Variants in NBPF11 observed in about 807,000 individuals in gnomAD.
NBPF11 encodes NBPF member 11.
In NBPF11, 72 loss-of-function variants were observed where a neutral mutation model predicts 93.9. That is an observed-to-expected ratio of 0.77 (90% CI 0.63 to 0.93). The LOEUF (loss-of-function observed/expected upper bound fraction) is 0.93. Among genes scored for constraint, NBPF11 ranks in the 40% least tolerant of loss-of-function variants. NBPF11 has a pLI of 0.00. For missense variants in NBPF11, 705 were observed against 802.2 expected, an observed-to-expected ratio of 0.88 and a Z score of 1.46; for synonymous variants, 224 against 304.9, an observed-to-expected ratio of 0.73 and a Z score of 2.76.
intron 14 of NBPF11, among the ~76,000 whole-genome samples, chr1:148,115,354 G>C (rs2149208695): frequency 6.7e-6 from 1 of 150,204 alleles, no homozygotes; most frequent in East Asian, 2.0e-4. Flanking sequence ...TAAGCAAGCT[G>C]ACTTAAAGGA....
rs1662881646 is a variant in NBPF11, at chr1:148,103,908, T to A, written c.2586A>T (p.Ser862=). The change falls in exon 24 of 24, where the codon TCA becomes TCT. Residue 862 remains serine, a synonymous_variant. Coordinates refer to ENST00000682118, the MANE Select transcript of NBPF11 (RefSeq NM_001385469.3). The part of the protein sequence containing the change: ...KKIKTHHAPG[S]AAC ...ACTTCCACTTCCATCAGCACGCTGC[T>A]GAGCCTGGAAAAGGAGACAAAACTA... 29 of 1,610,952 alleles carry A rather than the reference T, an allele frequency of 1.8e-5. 1 individual carries two copies. Among genetic ancestry groups the A allele is most frequent in the Middle Eastern group, 4.5e-4 (2 of 4,432 alleles).
intron 18 of NBPF11, 118 bp downstream of exon 18, chr1:148,108,364 A>ATG (rs1251044192): frequency 1.4e-6 from 1 of 714,802 alleles, no homozygotes; most frequent in Non-Finnish European, 2.6e-6. Flanking sequence ...ACATGTGCCT[A>ATG]TAGGTCCTCC....
intron 4 of NBPF11, among the ~76,000 whole-genome samples, chr1:148,132,202 T>C (rs1391160303): frequency 7.7e-6 from 1 of 130,126 alleles, no homozygotes; most frequent in Non-Finnish European, 1.6e-5. Flanking sequence ...ACGGTGAATA[T>C]ATATATATAT....
At position 148,106,889 on chromosome 1, in the gene NBPF11, C is replaced by G. The variant is rs1284257841; in HGVS notation, c.2251+53G>C. 36 of 761,414 alleles carry G rather than the reference C, an allele frequency of 4.7e-5. 3 individuals carry two copies. Among genetic ancestry groups the G allele is most frequent in the Non-Finnish European group, 6.8e-5 (29 of 428,874 alleles). 47.2% of individuals were successfully genotyped at this position (761,414 alleles called of 1,614,324 possible). ...GGGCCACTTGGAACAGGAATATCAC[C>G]CCTATCTGGAAGGCCAGGTGGAGGC... On this transcript the variant is annotated intron_variant, in intron 20 of 23. Transcript: ENST00000682118.
intron 16 of NBPF11, 105 bp from the exon 17 acceptor site, chr1:148,109,440 G>T (rs1458569026): frequency 7.1e-6 from 6 of 842,986 alleles, no homozygotes; most frequent in Non-Finnish European, 1.2e-5. Flanking sequence ...TCTTGTCAGT[G>T]TGAAAACAGG....
chr1:148,150,153 CT>C (rs56775503), intron 1 of NBPF11, among the ~76,000 whole-genome samples: 7,746 of 134,708 alleles, frequency 0.058, 530 homozygotes, highest in African/African-American at 0.18. Context: ...ATGACCTGTA[CT>C]TTTTTTTTTT....
At chr1:148,118,348 A>C (rs1292999589) in intron 11 of NBPF11, among the ~76,000 whole-genome samples, 2 of 151,822 alleles carry the variant, frequency 1.3e-5, no homozygotes, top group African/African-American at 2.4e-5. Flanking sequence ...TGTGTGGTTC[A>C]CACTCCTTTG....
At chr1:148,141,514 G>A (rs1447497370) in intron 2 of NBPF11, among the ~76,000 whole-genome samples, 1 of 152,166 alleles carries the variant, frequency 6.6e-6, no homozygotes, top group Admixed American at 6.5e-5. Flanking sequence ...CCCATACCAA[G>A]GTTTTGGTGG....
chr1:148,119,741 A>T (rs1667397960), intron 10 of NBPF11, among the ~76,000 whole-genome samples: 1 of 151,830 alleles, frequency 6.6e-6, no homozygotes, highest in Admixed American at 6.6e-5. Context: ...CTGCAACCTC[A>T]GCCTCCTGGG....
At chr1:148,129,145 T>A (rs1669791136) in intron 4 of NBPF11, among the ~76,000 whole-genome samples, 1 of 143,246 alleles carries the variant, frequency 7.0e-6, no homozygotes, top group East Asian at 2.0e-4. Flanking sequence ...TATATACACA[T>A]GTATATATAT....
At chr1:148,148,395 C>A (rs3746057) in intron 1 of NBPF11, among the ~76,000 whole-genome samples, 22 of 152,126 alleles carry the variant, frequency 1.4e-4, no homozygotes, top group Admixed American at 3.3e-4. Context: ...GTGGGTCCCG[C>A]GTGCTTGGGA....
At chr1:148,149,519 C>T (rs1166189176) in intron 1 of NBPF11, 5 of 1,593,408 alleles carry the variant, frequency 3.1e-6, no homozygotes, top group Admixed American at 3.3e-5. Context: ...GTACCTGGAG[C>T]GCCTGCGTCG....
intron 2 of NBPF11, among the ~76,000 whole-genome samples, chr1:148,141,049 C>G (rs1327811400): frequency 6.6e-6 from 1 of 151,952 alleles, no homozygotes; most frequent in African/African-American, 2.4e-5. Flanking sequence ...AGAAGCCAGT[C>G]TGGAAACCTA....
At position 148,104,775 on chromosome 1, in the gene NBPF11, T is replaced by A; in HGVS notation, c.2473-130A>T. The stretch of plus-strand genomic sequence containing the variant: ...AGAATAGGACACTGTGAGAGATATA[T>A]TTCAGGAGGCCTGAAGGCTGGTCGT... On this transcript the variant is annotated intron_variant, in intron 22 of 23. Coordinates refer to ENST00000682118, the MANE Select transcript of NBPF11 (RefSeq NM_001385469.3). The A allele has an allele frequency of 7.8e-6, 4 of 511,618 alleles. No individual in the cohort carries two copies. The South Asian group carries it at 8.5e-5, about 11-fold the overall frequency. The allele number at this position is 511,618 out of a possible 1,614,324, so 31.7% of individuals were successfully genotyped here.
At chr1:148,115,436 G>T (rs1475627648) in intron 14 of NBPF11, among the ~76,000 whole-genome samples, 3 of 148,758 alleles carry the variant, frequency 2.0e-5, no homozygotes, top group Non-Finnish European at 4.4e-5. Context: ...AGGCTGCCAG[G>T]TTCCTTAAAC....
chr1:148,106,659 T>C (rs1663701563), intron 20 of NBPF11, among the ~76,000 whole-genome samples: 2 of 146,206 alleles, frequency 1.4e-5, no homozygotes, highest in Non-Finnish European at 3.0e-5. Context: ...GTCCAAATCA[T>C]AGTTCTGTGA....
At chr1:148,111,145 C>A (rs1398418776) in intron 15 of NBPF11, among the ~76,000 whole-genome samples, 5 of 151,236 alleles carry the variant, frequency 3.3e-5, no homozygotes, top group African/African-American at 1.2e-4. Context: ...CTCCAACAGA[C>A]CTGAAGCTGA....
At chr1:148,106,043 A>G in intron 21 of NBPF11, 138 bp downstream of exon 21, 1 of 542,170 alleles carries the variant, frequency 1.8e-6, no homozygotes, top group South Asian at 2.0e-5. Flanking sequence ...TGCAATGAAA[A>G]CCAACAGCAA....
chr1:148,146,801 C>T (rs1372551627), intron 1 of NBPF11: 2 of 1,613,268 alleles, frequency 1.2e-6, no homozygotes, highest in Non-Finnish European at 8.5e-7. Flanking sequence ...GGCCTGGGCT[C>T]CCGCCTCCAC....
Sources: allele counts gnomAD v4.1 joint callset (sites outside exome capture counted in the v4.1 genomes callset), GRCh38; gene constraint gnomAD v4.1.1; transcripts MANE v1.5; gene names NCBI Gene and HGNC (gene_info 2026-07-23, HGNC 2026-07-21).